GRK3: variants seen among roughly 807,000 people sequenced by gnomAD.
GRK3 encodes the protein G protein-coupled receptor kinase 3, also known as adrenergic, beta, receptor kinase 2.
In GRK3, 54 loss-of-function variants were observed where a neutral mutation model predicts 95.7. The observed-to-expected ratio is 0.56, with a 90% CI of 0.45 to 0.71. GRK3 has a LOEUF of 0.71. Ranked by LOEUF, GRK3 falls within the 30% of genes least tolerant of loss-of-function variation. GRK3 has a pLI of 0.00. For missense variants in GRK3, 649 were observed against 851.2 expected, an observed-to-expected ratio of 0.76 and a Z score of 2.96; for synonymous variants, 281 against 290.8, an observed-to-expected ratio of 0.97 and a Z score of 0.34.
chr22:25,637,180 C>T (rs867284965), intron 2 of GRK3, among the ~76,000 whole-genome samples: 3 of 152,034 alleles, frequency 2.0e-5, no homozygotes, highest in South Asian at 2.1e-4. Context: ...TTGATACTAG[C>T]GCCTTTTCCT....
intron 1 of GRK3, among the ~76,000 whole-genome samples, chr22:25,591,167 T>C (rs1402731397): frequency 6.6e-6 from 1 of 152,180 alleles, no homozygotes; most frequent in African/African-American, 2.4e-5. Context: ...GTGTGCTGTG[T>C]CACTAGAACA....
At chr22:25,587,933 A>G (rs1319439412) in intron 1 of GRK3, among the ~76,000 whole-genome samples, 2 of 152,188 alleles carry the variant, frequency 1.3e-5, no homozygotes, top group Non-Finnish European at 2.9e-5. Context: ...TCCTGGATAC[A>G]TTACCCAGTC....
intron 1 of GRK3, among the ~76,000 whole-genome samples, chr22:25,597,595 A>C (rs749629611): frequency 2.0e-5 from 3 of 152,188 alleles, no homozygotes; most frequent in Non-Finnish European, 4.4e-5. Context: ...CAAAGTTAAA[A>C]AAATGTTCAG....
chr22:25,705,238 G>A (rs906869041), intron 15 of GRK3, among the ~76,000 whole-genome samples: 2 of 152,060 alleles, frequency 1.3e-5, no homozygotes, highest in Non-Finnish European at 2.9e-5. Flanking sequence ...AAGTTGAAAC[G>A]CTATTTTGAG....
chr22:25,704,036 C>T, intron 14 of GRK3, 73 bp from the exon 15 acceptor site: 2 of 1,111,388 alleles, frequency 1.8e-6, no homozygotes, highest in Non-Finnish European at 2.7e-6. Context: ...CAGTAATAGT[C>T]TTTAAGTCTG....
intron 15 of GRK3, among the ~76,000 whole-genome samples, chr22:25,707,907 T>G (rs1401249332): frequency 6.6e-6 from 1 of 151,966 alleles, no homozygotes; most frequent in Non-Finnish European, 1.5e-5. Flanking sequence ...CTATCATCCC[T>G]TCCCTGCCCA....
At chr22:25,645,111 G>T (rs2084771162) in intron 3 of GRK3, among the ~76,000 whole-genome samples, 1 of 152,158 alleles carries the variant, frequency 6.6e-6, no homozygotes, top group Non-Finnish European at 1.5e-5. Context: ...GTGCTCAAAT[G>T]CATGACTGAT....
chr22:25,592,705 G>A (rs181483454), intron 1 of GRK3, among the ~76,000 whole-genome samples: 1 of 152,204 alleles, frequency 6.6e-6, no homozygotes, highest in Admixed American at 6.5e-5. Flanking sequence ...TTGTTATGTG[G>A]GTGTATTGTG....
chr22:25,651,222 C>A (rs1190509953), intron 3 of GRK3, among the ~76,000 whole-genome samples: 1 of 152,114 alleles, frequency 6.6e-6, no homozygotes, highest in Non-Finnish European at 1.5e-5. Context: ...AAAATTAAAT[C>A]TAATAAATAA....
At chr22:25,656,809 C>T (rs1170580037) in intron 3 of GRK3, among the ~76,000 whole-genome samples, 1 of 152,136 alleles carries the variant, frequency 6.6e-6, no homozygotes, top group African/African-American at 2.4e-5. Flanking sequence ...CTACTCAAAA[C>T]TCAGCATGTT....
chr22:25,565,141 T>G lies in GRK3; in HGVS notation c.101T>G (p.Leu34Arg). 6.6e-7 allele frequency: 1 copy of G among 1,526,642 alleles called. No homozygotes were observed. Among genetic ancestry groups the G allele is most frequent in the Non-Finnish European group, 8.8e-7 (1 of 1,139,496 alleles). The allele number at this position is 1,526,642 out of a possible 1,614,324, so 94.6% of individuals were successfully genotyped here. ...PAARASKRIVLPEPSIRSVMQ... is the reference protein window; with the variant it reads ...PAARASKRIVRPEPSIRSVMQ... ...GCCCGCGCCAGCAAGAGGATCGTCC[T>G]GCCGGAGCCCAGGTACCAGCTGCCC... Residue 34 changes from leucine to arginine, a missense_variant, in exon 1 of 21, where the codon CTG (leucine) becomes CGG (arginine). By Grantham distance (102) the Leu-to-Arg change is moderately radical (BLOSUM62 -2). Transcript: ENST00000324198.
intron 1 of GRK3, among the ~76,000 whole-genome samples, chr22:25,579,933 T>C (rs1389265991): frequency 6.6e-6 from 1 of 152,222 alleles, no homozygotes; most frequent in Admixed American, 6.5e-5. Flanking sequence ...GAATTTCAGA[T>C]GGAGAGATCA....
At chr22:25,704,819 A>C (rs987673048) in intron 15 of GRK3, among the ~76,000 whole-genome samples, 1 of 152,198 alleles carries the variant, frequency 6.6e-6, no homozygotes, top group Admixed American at 6.5e-5. Context: ...GTGGCAGTTT[A>C]ACATTCTGAT....
intron 12 of GRK3, among the ~76,000 whole-genome samples, chr22:25,691,307 A>G (rs1205800429): frequency 6.6e-6 from 1 of 152,232 alleles, no homozygotes; most frequent in African/African-American, 2.4e-5. Flanking sequence ...TGGTCTTGAA[A>G]AAAAACTCCC....
At chr22:25,634,228 A>C (rs2084684066) in intron 2 of GRK3, among the ~76,000 whole-genome samples, 1 of 152,216 alleles carries the variant, frequency 6.6e-6, no homozygotes, top group Non-Finnish European at 1.5e-5. Context: ...CTGTTTTGTT[A>C]ATTTGTTCAC....
At chr22:25,707,001 T>A (rs950622259) in intron 15 of GRK3, among the ~76,000 whole-genome samples, 4 of 151,918 alleles carry the variant, frequency 2.6e-5, no homozygotes, top group African/African-American at 9.7e-5. Flanking sequence ...TTTTTTTTTT[T>A]TATAGAGAAG....
chr22:25,681,095 A>C (rs2085070434), intron 9 of GRK3, among the ~76,000 whole-genome samples: 1 of 152,142 alleles, frequency 6.6e-6, no homozygotes, highest in Non-Finnish European at 1.5e-5. Context: ...AAGCGTGTCC[A>C]CAGCTGTGAA....
intron 5 of GRK3, among the ~76,000 whole-genome samples, chr22:25,666,900 A>G (rs575228052): frequency 4.6e-5 from 7 of 152,194 alleles, no homozygotes; most frequent in African/African-American, 1.7e-4. Flanking sequence ...GTCTCTTTAT[A>G]TTTTTATAGT....
chr22:25,638,582 C>T (rs1471223763), intron 2 of GRK3, among the ~76,000 whole-genome samples: 1 of 152,226 alleles, frequency 6.6e-6, no homozygotes, highest in African/African-American at 2.4e-5. Flanking sequence ...ATTCATAGCC[C>T]TGCCTGAATT....
Sources: gnomAD v4.1 joint callset for allele counts (sites outside exome capture counted in the v4.1 genomes callset) on GRCh38, gnomAD v4.1.1 for gene constraint, MANE v1.5 for transcripts, NCBI Gene and HGNC (gene_info 2026-07-23, HGNC 2026-07-21) for gene names.